PPFIA2: variants seen among roughly 807,000 people sequenced by gnomAD.
PPFIA2 encodes PPFI scaffold protein A2, also known as liprin-alpha-2.
A neutral mutation model predicts 175.5 loss-of-function variants in PPFIA2; 46 were observed. That is an observed-to-expected ratio of 0.26 (90% confidence interval 0.21 to 0.34). The LOEUF (loss-of-function observed/expected upper bound fraction) is 0.34, where lower values mean the gene tolerates loss of function less well. PPFIA2 is among the 10% of genes least tolerant of loss of function. PPFIA2 has a pLI of 1.00. For missense variants in PPFIA2, 1,179 were observed against 1,506.1 expected (o/e 0.78, Z 3.60); for synonymous variants, 568 against 511.4 (o/e 1.11, Z -1.49).
intron 28 of PPFIA2, among the ~76,000 whole-genome samples, chr12:81,273,242 T>C (rs1462964903): frequency 6.6e-6 from 1 of 152,178 alleles, no homozygotes; most frequent in African/African-American, 2.4e-5. Flanking sequence ...GTCTTACTTA[T>C]TTTATTATTA....
intron 4 of PPFIA2, among the ~76,000 whole-genome samples, chr12:81,620,493 C>T (rs1195611938): frequency 6.6e-6 from 1 of 151,926 alleles, no homozygotes; most frequent in East Asian, 1.9e-4. Context: ...AAGATATAAA[C>T]AAATGTCCAA....
chr12:81,368,203 C>T (rs1386476151), intron 13 of PPFIA2: 2 of 1,228,132 alleles, frequency 1.6e-6, no homozygotes, highest in Admixed American at 2.3e-5. Context: ...AATCACATTG[C>T]AGACTGTACA....
intron 7 of PPFIA2, among the ~76,000 whole-genome samples, chr12:81,415,018 C>T (rs959201233): frequency 6.7e-6 from 1 of 149,228 alleles, no homozygotes; most frequent in Admixed American, 6.7e-5. Context: ...GTAGTCTGTG[C>T]AGTTTGATCA....
intron 4 of PPFIA2, among the ~76,000 whole-genome samples, chr12:81,631,939 T>C (rs957198179): frequency 6.6e-6 from 1 of 152,194 alleles, no homozygotes; most frequent in Non-Finnish European, 1.5e-5. Flanking sequence ...TAGCTATTAA[T>C]ATCAATAATA....
intron 3 of PPFIA2, among the ~76,000 whole-genome samples, chr12:81,720,385 T>G (rs545153231): frequency 1.3e-5 from 2 of 151,592 alleles, no homozygotes; most frequent in South Asian, 4.2e-4. Context: ...CATTCTTGGA[T>G]AGCCAAGAGC....
chr12:81,728,501 T>C (rs1303671458), intron 3 of PPFIA2, among the ~76,000 whole-genome samples: 1 of 151,408 alleles, frequency 6.6e-6, no homozygotes, highest in Non-Finnish European at 1.5e-5. Context: ...AGAAAATTAG[T>C]ACAACTATAC....
intron 22 of PPFIA2, among the ~76,000 whole-genome samples, chr12:81,317,899 T>C (rs1054705681): frequency 6.6e-6 from 1 of 151,652 alleles, no homozygotes; most frequent in African/African-American, 2.4e-5. Flanking sequence ...AAAAGTTGAA[T>C]CCTCGATGCA....
Position 81,737,179 on chromosome 12 carries a change from C to T in PPFIA2, c.249+16794G>A, listed in dbSNP as rs563978194. On this transcript the variant is annotated intron_variant, in intron 3 of 32. Coordinates refer to ENST00000549396, the MANE Select transcript of PPFIA2 (RefSeq NM_003625.5). ...ATCTAGGGAAAACTAAGCCCTCAGG[C>T]ATTTCGACCTGCTTTTTCCCTAGTT... Among the ~76,000 whole-genome samples, 10 of 151,916 alleles carry T rather than the reference C, an allele frequency of 6.6e-5. No homozygotes were observed. The South Asian group carries it at 2.1e-3, about 32-fold the overall frequency.
intron 3 of PPFIA2, among the ~76,000 whole-genome samples, chr12:81,697,347 A>G (rs1330454966): frequency 6.6e-6 from 1 of 152,126 alleles, no homozygotes; most frequent in African/African-American, 2.4e-5. Flanking sequence ...AAACTTATTT[A>G]GAGACTAAAA....
chr12:81,536,593 C>G (rs1416582823), intron 4 of PPFIA2, among the ~76,000 whole-genome samples: 1 of 148,134 alleles, frequency 6.8e-6, no homozygotes, highest in Non-Finnish European at 1.5e-5. Context: ...AAAGGGAAAC[C>G]AAAAAAAGTG....
intron 4 of PPFIA2, among the ~76,000 whole-genome samples, chr12:81,553,734 T>C (rs1040145671): frequency 2.0e-5 from 3 of 152,016 alleles, no homozygotes; most frequent in Non-Finnish European, 4.4e-5. Context: ...TGCTTTCCAA[T>C]TGGAACTGCA....
chr12:81,325,931 T>C, intron 21 of PPFIA2, 61 bp from the exon 22 acceptor site: 1 of 1,282,262 alleles, frequency 7.8e-7, no homozygotes, highest in East Asian at 2.3e-5. Context: ...AATTCTGAAG[T>C]CAGGTTGTTA....
At chr12:81,385,579 C>T (rs561445556) in intron 8 of PPFIA2, among the ~76,000 whole-genome samples, 60 of 152,202 alleles carry the variant, frequency 3.9e-4, no homozygotes, top group African/African-American at 1.4e-3. Context: ...GCCTGGAGGA[C>T]ATTATTCTAA....
chr12:81,728,103 G>A (rs2080332784), intron 3 of PPFIA2, among the ~76,000 whole-genome samples: 1 of 151,396 alleles, frequency 6.6e-6, no homozygotes, highest in South Asian at 2.1e-4. Flanking sequence ...AATGCAATAA[G>A]AAGAAATAAC....
intron 17 of PPFIA2, among the ~76,000 whole-genome samples, chr12:81,349,202 T>C (rs2059597008): frequency 6.6e-6 from 1 of 152,192 alleles, no homozygotes; most frequent in African/African-American, 2.4e-5. Flanking sequence ...TTAAGTAGTA[T>C]GTGTTTGCTG....
chr12:81,661,191 G>A (rs549827649), intron 4 of PPFIA2, among the ~76,000 whole-genome samples: 18 of 152,090 alleles, frequency 1.2e-4, no homozygotes, highest in African/African-American at 3.9e-4. Context: ...AAATTCACAC[G>A]TTAACAATAT....
At chr12:81,405,691 T>C in intron 8 of PPFIA2, 96 bp downstream of exon 8, 1 of 693,332 alleles carries the variant, frequency 1.4e-6, no homozygotes, top group South Asian at 2.2e-5. Flanking sequence ...AATCAACAAA[T>C]ACTAAAAAAA....
chr12:81,354,343 T>G (rs886814755), intron 16 of PPFIA2, among the ~76,000 whole-genome samples: 2 of 152,186 alleles, frequency 1.3e-5, no homozygotes, highest in Admixed American at 6.5e-5. Context: ...AACTGTGTAA[T>G]CTAATATTTT....
At chr12:81,520,466 A>T (rs1332985777) in intron 4 of PPFIA2, among the ~76,000 whole-genome samples, 1 of 152,218 alleles carries the variant, frequency 6.6e-6, no homozygotes, top group Non-Finnish European at 1.5e-5. Flanking sequence ...TGAAAGTGAA[A>T]CTATGAATAT....
Sources: allele counts gnomAD v4.1 joint callset (sites outside exome capture counted in the v4.1 genomes callset), GRCh38; gene constraint gnomAD v4.1.1; transcripts MANE v1.5; gene names NCBI Gene and HGNC (gene_info 2026-07-23, HGNC 2026-07-21).